Variants in CIMIP2B observed in about 807,000 individuals in gnomAD.
CIMIP2B encodes family with sequence similarity 166 member B.
chr9:35,562,734 TC>T, the CIMIP2B span: 1 of 1,613,100 alleles, frequency 6.2e-7, no homozygotes, highest in Non-Finnish European at 8.5e-7. Context: ...TCACACAATC[TC>T]CCAAGGAGGT....
the CIMIP2B span, chr9:35,562,597 A>G: frequency 6.2e-7 from 1 of 1,609,164 alleles, no homozygotes; most frequent in Non-Finnish European, 8.5e-7. Flanking sequence ...ACACTGAGCC[A>G]AGGCATCCTG....
the CIMIP2B span, chr9:35,562,351 C>A: frequency 1.4e-6 from 2 of 1,425,292 alleles, no homozygotes; most frequent in South Asian, 1.5e-5. Flanking sequence ...CATTCCAGTC[C>A]CCAAAGCCTC....
the CIMIP2B span, chr9:35,562,601 C>T: frequency 1.2e-6 from 2 of 1,609,414 alleles, no homozygotes; most frequent in Non-Finnish European, 1.7e-6. Context: ...TGAGCCAAGG[C>T]ATCCTGGGGC....
At chr9:35,562,085 G>GAACTT in the CIMIP2B span, 2 of 1,534,232 alleles carry the variant, frequency 1.3e-6, no homozygotes, top group African/African-American at 1.4e-5. Context: ...GGCCAAACTG[G>GAACTT]AACTTATACC....
the CIMIP2B span, chr9:35,563,028 C>T: frequency 6.2e-7 from 1 of 1,613,998 alleles, no homozygotes; most frequent in African/African-American, 1.3e-5. Flanking sequence ...GAGCCTCGGC[C>T]CAGACCTGGC....
At chr9:35,562,005 G>T in the CIMIP2B span, 14 of 1,364,136 alleles carry the variant, frequency 1.0e-5, no homozygotes, top group Non-Finnish European at 1.3e-5. Context: ...ATGTCCAGTG[G>T]CCTAAGCCAA....
chr9:35,562,430 G>A, the CIMIP2B span: 1 of 1,568,536 alleles, frequency 6.4e-7, no homozygotes, highest in South Asian at 1.2e-5. Flanking sequence ...CTGAGGGTAT[G>A]TTCTGGGAAG....
At chr9:35,563,830 G>C in the CIMIP2B span, 1 of 1,613,900 alleles carries the variant, frequency 6.2e-7, no homozygotes, top group South Asian at 1.1e-5. Flanking sequence ...CACAGCCATG[G>C]GGAGCCGGGC....
chr9:35,562,331 T>TACAA, the CIMIP2B span: 8 of 1,303,200 alleles, frequency 6.1e-6, no homozygotes, highest in African/African-American at 6.1e-5. Flanking sequence ...CCCATACCCA[T>TACAA]ACAAACAAAC....
At chr9:35,563,648 G>T in the CIMIP2B span, 1 of 906,248 alleles carries the variant, frequency 1.1e-6, no homozygotes. Flanking sequence ...CACCACCATA[G>T]AGACCTCAGC....
the CIMIP2B span, chr9:35,563,452 C>T: frequency 1.3e-4 from 164 of 1,300,688 alleles, no homozygotes; most frequent in East Asian, 2.5e-4. Context: ...GAGGCAGAAG[C>T]GGAGACCTCT....
chr9:35,562,797 G>A, the CIMIP2B span: 3 of 1,607,990 alleles, frequency 1.9e-6, no homozygotes, highest in African/African-American at 4.0e-5. Flanking sequence ...CACTACTCAT[G>A]CTGCCCCCAC....
At chr9:35,563,157 C>T in the CIMIP2B span, 14 of 1,612,956 alleles carry the variant, frequency 8.7e-6, no homozygotes, top group East Asian at 4.5e-5. Flanking sequence ...TGCATACCTG[C>T]GTACAAACCT....
the CIMIP2B span, chr9:35,562,380 C>T: frequency 6.8e-7 from 1 of 1,472,574 alleles, no homozygotes; most frequent in Non-Finnish European, 9.0e-7. Flanking sequence ...CTCTTCTCAC[C>T]TGGCACGTAG....
the CIMIP2B span, chr9:35,563,126 T>C: frequency 6.8e-6 from 11 of 1,613,152 alleles, no homozygotes; most frequent in Admixed American, 1.7e-4. Flanking sequence ...TTGGAACACA[T>C]GCTCCTGGGA....
the CIMIP2B span, chr9:35,563,390 C>G: frequency 1.2e-6 from 2 of 1,604,784 alleles, no homozygotes; most frequent in East Asian, 4.5e-5. Context: ...TCCAGTGTAC[C>G]TGCAGCACAG....
the CIMIP2B span, chr9:35,563,647 AG>A: frequency 1.1e-6 from 1 of 896,512 alleles, no homozygotes; most frequent in African/African-American, 1.7e-5. Context: ...CCACCACCAT[AG>A]AGACCTCAGC....
At chr9:35,562,243 CTGA>C in the CIMIP2B span, 1 of 1,048,170 alleles carries the variant, frequency 9.5e-7, no homozygotes, top group Middle Eastern at 2.9e-4. Flanking sequence ...CCTTTTCTGC[CTGA>C]TAATAAAGCT....
At chr9:35,563,363 C>T in the CIMIP2B span, 2,134 of 1,613,346 alleles carry the variant, frequency 1.3e-3, no homozygotes, top group Non-Finnish European at 1.6e-3. Flanking sequence ...CACGCTGAAC[C>T]GAAGTAGTGG....
Sources: allele counts gnomAD v4.1 joint callset, GRCh38; gene constraint gnomAD v4.1.1; transcripts MANE v1.5; gene names NCBI Gene and HGNC (gene_info 2026-07-23, HGNC 2026-07-21).